Variants in SNX4 observed in about 807,000 individuals in gnomAD.
SNX4 encodes the protein sorting nexin 4.
A neutral mutation model predicts 70.8 loss-of-function variants in SNX4; 49 were observed. The observed-to-expected ratio is 0.69, with a 90% CI of 0.55 to 0.88. The LOEUF (loss-of-function observed/expected upper bound fraction) is 0.88. Ranked by LOEUF, SNX4 falls within the 40% of genes least tolerant of loss-of-function variation. The probability of loss-of-function intolerance (pLI) is 0.00; values close to 1 mark genes in which losing one functional copy is unlikely to be tolerated. For synonymous variants in SNX4, 206 were observed against 183.8 expected, an observed-to-expected ratio of 1.12 and a Z score of -0.98; for missense variants, 528 against 544.8, an observed-to-expected ratio of 0.97 and a Z score of 0.31.
rs1214419231 is a variant in SNX4, at chr3:125,497,847, A to C, written c.536T>G (p.Leu179Arg). The C allele has an allele frequency of 2.5e-6, 4 of 1,603,218 alleles. No individual in the cohort carries two copies. The East Asian group carries it at 6.7e-5, about 27-fold the overall frequency. Reference protein sequence around the residue: ...PILCRDKIFYLFLTQEGNWKE... With the variant: ...PILCRDKIFYRFLTQEGNWKE... The stretch of plus-strand genomic sequence containing the variant: ...AAAGAAAAATACCTGTGTTAAAAAC[A>C]GATAGAAGATTTTGTCTCTACAAAG... The change falls in exon 4 of 14, where the codon CTG (leucine) becomes CGG (arginine). Residue 179 changes from leucine to arginine, a missense_variant. Coordinates refer to ENST00000251775, the MANE Select transcript of SNX4 (RefSeq NM_003794.4).
In SNX4 at chr3:125,512,772, C is replaced by CT. The variant is rs35641181; in HGVS notation, c.141+7259dup. Among the ~76,000 whole-genome samples the CT allele has an allele frequency of 1.5e-3, 213 of 142,646 alleles. 1 individual carries two copies. The highest frequency in any genetic ancestry group is 1.8e-3 in the Non-Finnish European group (119 of 65,374). 93.6% of individuals were successfully genotyped at this position (142,646 alleles called of 152,430 possible). On this transcript the variant is annotated intron_variant, in intron 1 of 13. Transcript: ENST00000251775. ...AGTGCAGGGTCAACAGATACAACAA[C>CT]TTTTTTTTTTTTTTTTGAGACAGAG...
In SNX4 at chr3:125,457,261, C is replaced by T. The variant is rs1336205864; in HGVS notation, c.1044+5G>A. The stretch of plus-strand genomic sequence containing the variant: ...ATCATCAGAGGCCAAAAGGAAAATA[C>T]TCACCCCAGTTACCAGTTCCTCACA... On this transcript the variant is annotated splice_donor_5th_base_variant and intron_variant, in intron 11 of 13. Coordinates refer to ENST00000251775, the MANE Select transcript of SNX4 (RefSeq NM_003794.4). The T allele has an allele frequency of 5.6e-6, 9 of 1,609,416 alleles. No homozygotes were observed. Among genetic ancestry groups the T allele is most frequent in the Non-Finnish European group, 7.7e-6 (9 of 1,175,894 alleles).
intron 10 of SNX4, among the ~76,000 whole-genome samples, chr3:125,458,694 C>G (rs955750947): frequency 1.3e-5 from 2 of 151,502 alleles, no homozygotes; most frequent in Non-Finnish European, 2.9e-5. Context: ...GGCGCCTGTA[C>G]TCCCAGCTAC....
At chr3:125,504,997 T>A (rs1460927831) in intron 1 of SNX4, among the ~76,000 whole-genome samples, 2 of 152,194 alleles carry the variant, frequency 1.3e-5, no homozygotes, top group Non-Finnish European at 2.9e-5. Flanking sequence ...TGAGACCAAG[T>A]CTCACTCTGC....
intron 8 of SNX4, among the ~76,000 whole-genome samples, chr3:125,476,265 CAAAAAAAAAAAAA>C (rs749425097): frequency 4.3e-5 from 2 of 46,826 alleles, no homozygotes; most frequent in African/African-American, 1.4e-4. Flanking sequence ...GACTCCATCT[CAAAAAAAAAAAAA>C]AAAAAAAAAA....
chr3:125,501,833 T>A (rs963353635), intron 2 of SNX4, among the ~76,000 whole-genome samples: 1 of 152,240 alleles, frequency 6.6e-6, no homozygotes, highest in African/African-American at 2.4e-5. Flanking sequence ...TCCTTTTGTG[T>A]GCCACACATT....
chr3:125,503,103 C>T (rs777297886), intron 2 of SNX4, among the ~76,000 whole-genome samples: 1 of 151,894 alleles, frequency 6.6e-6, no homozygotes, highest in African/African-American at 2.4e-5. Context: ...GACGGGGTTT[C>T]GCCATGTTGG....
chr3:125,458,364 C>T (rs916843534), intron 10 of SNX4, among the ~76,000 whole-genome samples: 6 of 151,504 alleles, frequency 4.0e-5, no homozygotes, highest in African/African-American at 7.3e-5. Flanking sequence ...GATGGGGTCT[C>T]GCCCATGTTG....
chr3:125,460,997 G>A (rs1433866208), intron 9 of SNX4, 137 bp from the exon 10 acceptor site: 1 of 362,662 alleles, frequency 2.8e-6, no homozygotes, highest in Non-Finnish European at 5.0e-6. Flanking sequence ...AGGCCAAGAA[G>A]GGCAGATCAC....
chr3:125,502,888 A>C (rs1488664041), intron 2 of SNX4, among the ~76,000 whole-genome samples: 1 of 149,864 alleles, frequency 6.7e-6, no homozygotes. Flanking sequence ...ACATTAAAAC[A>C]TTGTTATAAC....
chr3:125,458,164 T>C (rs2107528106), intron 10 of SNX4, among the ~76,000 whole-genome samples: 1 of 142,366 alleles, frequency 7.0e-6, no homozygotes, highest in Non-Finnish European at 1.5e-5. Context: ...GAAATGTCTA[T>C]TAGGTATTTT....
chr3:125,483,362 C>A (rs978931771), intron 6 of SNX4, among the ~76,000 whole-genome samples: 2 of 151,984 alleles, frequency 1.3e-5, no homozygotes, highest in Non-Finnish European at 1.5e-5. Flanking sequence ...AAGATCAGGT[C>A]TTCTGGAGCT....
chr3:125,501,211 T>C (rs563816131), intron 2 of SNX4, among the ~76,000 whole-genome samples: 18 of 152,288 alleles, frequency 1.2e-4, no homozygotes, highest in Admixed American at 7.2e-4. Context: ...GTCTATATGA[T>C]GTGGAGTAGG....
intron 11 of SNX4, among the ~76,000 whole-genome samples, chr3:125,456,263 T>TAAGG (rs1682556687): frequency 2.0e-5 from 3 of 152,214 alleles, no homozygotes; most frequent in Non-Finnish European, 4.4e-5. Context: ...ATGCACTGGT[T>TAAGG]CTAAGTGGGT....
chr3:125,469,337 A>T (rs1934110891), intron 9 of SNX4, 117 bp downstream of exon 9: 1 of 657,502 alleles, frequency 1.5e-6, no homozygotes, highest in South Asian at 2.0e-5. Flanking sequence ...AGATATGTAC[A>T]CATAGAGCGC....
At chr3:125,451,662 T>C (rs1320660408) in intron 12 of SNX4, among the ~76,000 whole-genome samples, 2 of 152,208 alleles carry the variant, frequency 1.3e-5, no homozygotes, top group Non-Finnish European at 2.9e-5. Flanking sequence ...AGTCTCACTC[T>C]GTTGCCCAGG....
chr3:125,447,669 T>C lies in SNX4; in HGVS notation c.*110A>G. 1 of 680,810 alleles carries C rather than the reference T, an allele frequency of 1.5e-6. No individual in the cohort carries two copies. Among genetic ancestry groups the C allele is most frequent in the Non-Finnish European group, 2.5e-6 (1 of 403,594 alleles). 42.2% of individuals were successfully genotyped at this position (680,810 alleles called of 1,614,324 possible). A position where few individuals can be genotyped will look rare whatever the true frequency, so the allele number is the denominator to read the frequency against. On this transcript the variant is annotated 3_prime_UTR_variant, in exon 14 of 14. Coordinates refer to ENST00000251775, the MANE Select transcript of SNX4 (RefSeq NM_003794.4). ...TTAAGTTAAAGAAAGCTGAATTTAT[T>C]TAACTTATTGTATATGTTTATGTAT...
intron 1 of SNX4, among the ~76,000 whole-genome samples, chr3:125,507,983 A>G (rs893303620): frequency 6.6e-6 from 1 of 152,176 alleles, no homozygotes; most frequent in African/African-American, 2.4e-5. Context: ...ATAGCATCAA[A>G]AAGAAAAAAT....
intron 9 of SNX4, among the ~76,000 whole-genome samples, chr3:125,464,565 T>C (rs1436833391): frequency 2.7e-5 from 1 of 37,428 alleles, no homozygotes; most frequent in Non-Finnish European, 4.4e-5. Context: ...TTTATCTTTC[T>C]TTTTTTTTTT....
Sources: gnomAD v4.1 joint callset for allele counts (sites outside exome capture counted in the v4.1 genomes callset) on GRCh38, gnomAD v4.1.1 for gene constraint, MANE v1.5 for transcripts, NCBI Gene and HGNC (gene_info 2026-07-23, HGNC 2026-07-21) for gene names.